FRMD3: variants seen among roughly 807,000 people sequenced by gnomAD.
FRMD3 encodes FERM domain containing 3.
Under a neutral mutation model 70.2 loss-of-function variants are expected in FRMD3, and 33 were observed. That is an observed-to-expected ratio of 0.47 (90% CI 0.36 to 0.63). The LOEUF (loss-of-function observed/expected upper bound fraction) is 0.63. Ranked by LOEUF, FRMD3 falls within the 20% of genes least tolerant of loss-of-function variation. The pLI, the probability that FRMD3 is intolerant of heterozygous loss-of-function variation, is 0.00. For synonymous variants in FRMD3, 279 were observed against 255.9 expected (o/e 1.09, Z -0.86); for missense variants, 632 against 711.4 (o/e 0.89, Z 1.27).
chr9:83,308,507 G>A (rs1428366221), intron 10 of FRMD3, among the ~76,000 whole-genome samples: 2 of 152,100 alleles, frequency 1.3e-5, no homozygotes, highest in Non-Finnish European at 2.9e-5. Context: ...AAGGGGCAGG[G>A]GGACTGATCA....
chr9:83,358,144 C>T (rs1044420538), intron 3 of FRMD3, among the ~76,000 whole-genome samples: 14 of 152,288 alleles, frequency 9.2e-5, no homozygotes, highest in Non-Finnish European at 8.8e-5. Flanking sequence ...TTTCATTCTT[C>T]TATATGTGGC....
At chr9:83,382,065 C>A (rs1251692694) in intron 2 of FRMD3, among the ~76,000 whole-genome samples, 3 of 150,198 alleles carry the variant, frequency 2.0e-5, no homozygotes, top group Admixed American at 6.6e-5. Flanking sequence ...AAAAAAAAAA[C>A]ATGTATTACT....
At chr9:83,299,703 C>A (rs1834826858) in intron 10 of FRMD3, among the ~76,000 whole-genome samples, 1 of 152,218 alleles carries the variant, frequency 6.6e-6, no homozygotes, top group Non-Finnish European at 1.5e-5. Flanking sequence ...GAACAAGGGT[C>A]CCGCATCACC....
intron 1 of FRMD3, among the ~76,000 whole-genome samples, chr9:83,451,980 A>G (rs777110703): frequency 6.6e-6 from 1 of 152,214 alleles, no homozygotes; most frequent in Non-Finnish European, 1.5e-5. Flanking sequence ...AACTAATTCC[A>G]TTTCCTATAT....
rs1374008949 is a variant in FRMD3 at position 83,310,483 on chromosome 9, ACCT to A, written c.836_837+1del. On this transcript the variant is annotated splice_donor_variant and coding_sequence_variant, in exon 9 of 14. Coordinates refer to ENST00000304195, the MANE Select transcript of FRMD3 (RefSeq NM_174938.6). LOFTEE classifies it high-confidence loss of function. Reference sequence around the variant, plus strand: ...GGCAGTTAAAAAAAAGCAGTATCTGACCTCCTTCTGGGTGCCAATCACATAAAA... The same window carrying A: ...GGCAGTTAAAAAAAAGCAGTATCTGACCTTCTGGGTGCCAATCACATAAAA... 1 of 1,606,268 alleles carries A rather than the reference ACCT, an allele frequency of 6.2e-7. No homozygotes were observed. Among genetic ancestry groups the A allele is most frequent in the African/African-American group, 1.3e-5 (1 of 74,450 alleles).
chr9:83,387,404 C>T (rs1456590529), intron 2 of FRMD3, among the ~76,000 whole-genome samples: 1 of 152,182 alleles, frequency 6.6e-6, no homozygotes, highest in Non-Finnish European at 1.5e-5. Flanking sequence ...ATGGAAGCCA[C>T]TGACCCTCTC....
At chr9:83,324,091 T>C (rs1020935029) in intron 6 of FRMD3, among the ~76,000 whole-genome samples, 3 of 152,178 alleles carry the variant, frequency 2.0e-5, no homozygotes, top group Non-Finnish European at 4.4e-5. Context: ...GTTCATATGA[T>C]AGAAAATTAA....
the FRMD3 span, among the ~76,000 whole-genome samples, chr9:83,555,504 G>A: frequency 6.6e-6 from 1 of 152,196 alleles, no homozygotes; most frequent in Non-Finnish European, 1.5e-5. Context: ...TACCCAAACA[G>A]CAAAGATGGC....
chr9:83,251,842 A>G (rs1308255131), intron 13 of FRMD3, among the ~76,000 whole-genome samples: 6 of 152,220 alleles, frequency 3.9e-5, no homozygotes. Context: ...AATAATGAAC[A>G]AAACCTCTGA....
chr9:83,354,809 A>G lies in FRMD3; in HGVS notation c.296-5052T>C, dbSNP rs573266773. ...AAGAAGATGTAACAGATGAGAGAAGACTGCCACCTCTGCTCCCTTTTCCCA... is the reference window on the plus strand; with the variant it reads ...AAGAAGATGTAACAGATGAGAGAAGGCTGCCACCTCTGCTCCCTTTTCCCA... On this transcript the variant is annotated intron_variant, in intron 3 of 13. Transcript: ENST00000304195. Among the ~76,000 whole-genome samples the G allele has an allele frequency of 2.6e-5, 4 of 152,306 alleles. No individual in the cohort carries two copies. In the East Asian group the frequency reaches 5.8e-4, roughly 22 times the overall value.
intron 2 of FRMD3, among the ~76,000 whole-genome samples, chr9:83,383,329 G>A (rs959595453): frequency 6.6e-6 from 1 of 152,140 alleles, no homozygotes; most frequent in African/African-American, 2.4e-5. Context: ...AAACTTTTGG[G>A]AAGGCTCATT....
chr9:83,512,393 C>A (rs1829357456), intron 1 of FRMD3, among the ~76,000 whole-genome samples: 1 of 152,142 alleles, frequency 6.6e-6, no homozygotes, highest in Non-Finnish European at 1.5e-5. Flanking sequence ...AGTTAATGAA[C>A]AACCATAAAA....
rs2131045577 is a variant in FRMD3 at position 83,309,609 on chromosome 9, C to A, written c.853G>T (p.Ala285Ser). Residue 285 changes from alanine (A) to serine (S), a missense_variant, in exon 10 of 14, where the codon GCA becomes TCA. Transcript: ENST00000304195. Reference protein sequence around the residue: ...GTQKEKKAMLAFHTSTPAACK... With the variant: ...GTQKEKKAMLSFHTSTPAACK... The stretch of plus-strand genomic sequence containing the variant: ...GCAGCTGGTGTTGAAGTATGGAATG[C>A]CAACATGGCTTTTTTCTAATTAAAA... The A allele has an allele frequency of 6.3e-7, 1 of 1,583,176 alleles. No individual in the cohort carries two copies.
chr9:83,520,272 C>T (rs1829542993), intron 1 of FRMD3, among the ~76,000 whole-genome samples: 2 of 152,184 alleles, frequency 1.3e-5, no homozygotes, highest in Admixed American at 6.5e-5. Context: ...TGGATTAAAA[C>T]TCTAAAATCC....
At chr9:83,493,460 C>G (rs546092557) in intron 1 of FRMD3, among the ~76,000 whole-genome samples, 1 of 152,226 alleles carries the variant, frequency 6.6e-6, no homozygotes, top group Non-Finnish European at 1.5e-5. Context: ...GCTAACCTGG[C>G]GCTTCCCAAA....
rs568254611 is a variant in FRMD3, at chr9:83,331,907, G to A, written c.596+3609C>T. 20 of 717,246 alleles carry A rather than the reference G, an allele frequency of 2.8e-5. No individual in the cohort carries two copies. The East Asian group carries it at 3.2e-4, about 12-fold the overall frequency. The allele number at this position is 717,246 out of a possible 1,614,324, so 44.4% of individuals were successfully genotyped here. A position where few individuals can be genotyped will look rare whatever the true frequency, so the allele number is the denominator to read the frequency against. On this transcript the variant is annotated intron_variant, in intron 6 of 13. Transcript: ENST00000304195. ...GATCCTGGGTAAGATCTTGGGATGA[G>A]TCCTGATCAGAGAGTTGTAAGCAGA...
Position 83,428,246 on chromosome 9 carries a change from T to C in FRMD3, c.148-38538A>G, listed in dbSNP as rs2131371547. On this transcript the variant is annotated intron_variant, in intron 1 of 13. Coordinates refer to ENST00000304195, the MANE Select transcript of FRMD3 (RefSeq NM_174938.6). Reference sequence around the variant, plus strand: ...ACAAAAAATTAGCTGGGCATGGTGGTACACACCTGTAATCCCAGCTACTTG... The same window carrying C: ...ACAAAAAATTAGCTGGGCATGGTGGCACACACCTGTAATCCCAGCTACTTG... Among the ~76,000 whole-genome samples the C allele has an allele frequency of 1.3e-5, 2 of 151,906 alleles. 1 individual carries two copies. Among genetic ancestry groups the C allele is most frequent in the Non-Finnish European group, 2.9e-5 (2 of 67,962 alleles).
At chr9:83,387,102 AG>A (rs1825534271) in intron 2 of FRMD3, among the ~76,000 whole-genome samples, 1 of 152,110 alleles carries the variant, frequency 6.6e-6, no homozygotes, top group African/African-American at 2.4e-5. Context: ...CTTGGAAAGG[AG>A]GGGTTACTTT....
At chr9:83,466,279 A>G (rs191023847) in intron 1 of FRMD3, among the ~76,000 whole-genome samples, 88 of 152,318 alleles carry the variant, frequency 5.8e-4, no homozygotes, top group African/African-American at 2.0e-3. Flanking sequence ...TCTGCATTTT[A>G]CTTCTTCAAG....
Sources: gnomAD v4.1 joint callset for allele counts (sites outside exome capture counted in the v4.1 genomes callset) on GRCh38, gnomAD v4.1.1 for gene constraint, MANE v1.5 for transcripts, NCBI Gene and HGNC (gene_info 2026-07-23, HGNC 2026-07-21) for gene names.